ERC2: variants seen among roughly 807,000 people sequenced by gnomAD.
ERC2 encodes the protein ERC protein 2.
Under a neutral mutation model 114.8 loss-of-function variants are expected in ERC2, and 42 were observed. The observed-to-expected ratio is 0.37, with a 90% CI of 0.29 to 0.47. ERC2 has a LOEUF of 0.47. ERC2 is among the 20% of genes least tolerant of loss of function. The pLI is 0.99. For synonymous variants in ERC2, 454 were observed against 425.5 expected (o/e 1.07, Z -0.82); for missense variants, 939 against 1,150.7 (o/e 0.82, Z 2.66).
chr3:55,561,936 A>T (rs1021929403), intron 17 of ERC2, among the ~76,000 whole-genome samples: 1 of 152,134 alleles, frequency 6.6e-6, no homozygotes, highest in African/African-American at 2.4e-5. Context: ...TCTTTGTGGA[A>T]TTGTAGAATG....
intron 14 of ERC2, among the ~76,000 whole-genome samples, chr3:55,849,373 T>C (rs1434265090): frequency 1.3e-5 from 2 of 152,212 alleles, no homozygotes; most frequent in South Asian, 2.1e-4. Flanking sequence ...CTATTTGCTT[T>C]AGGCCAGCTG....
chr3:56,245,792 C>G (rs939449042), intron 3 of ERC2, among the ~76,000 whole-genome samples: 1 of 152,006 alleles, frequency 6.6e-6, no homozygotes, highest in South Asian at 2.1e-4. Context: ...CCACCCAACT[C>G]GGCCTCCTAA....
Position 55,771,758 on chromosome 3 carries a change from G to A in ERC2, c.2565-36840C>T, listed in dbSNP as rs562312311. 3.3e-5 allele frequency among the ~76,000 whole-genome samples: 5 copies of A among 152,304 alleles called. No individual in the cohort carries two copies. In the East Asian group the frequency reaches 9.7e-4, roughly 29 times the overall value. On this transcript the variant is annotated intron_variant, in intron 14 of 17. Coordinates refer to ENST00000288221, the MANE Select transcript of ERC2 (RefSeq NM_015576.3). Reference sequence around the variant, plus strand: ...TTAACCCTGCACACCTGATGAGACTGTGCCTTCTTCAGTACCCACTCTGCC... The same window carrying A: ...TTAACCCTGCACACCTGATGAGACTATGCCTTCTTCAGTACCCACTCTGCC...
chr3:55,624,795 A>T (rs780375297), intron 17 of ERC2, among the ~76,000 whole-genome samples: 86 of 152,198 alleles, frequency 5.7e-4, no homozygotes, highest in Non-Finnish European at 9.4e-4. Flanking sequence ...TGTCGGTATG[A>T]TAAAGAAAAA....
At chr3:56,389,150 G>A (rs2060041105) in intron 2 of ERC2, among the ~76,000 whole-genome samples, 1 of 152,236 alleles carries the variant, frequency 6.6e-6, no homozygotes, top group Non-Finnish European at 1.5e-5. Flanking sequence ...ATATAAGCCA[G>A]TTAAGCAATA....
At chr3:55,674,895 G>A (rs937741713) in intron 17 of ERC2, among the ~76,000 whole-genome samples, 1 of 152,190 alleles carries the variant, frequency 6.6e-6, no homozygotes, top group African/African-American at 2.4e-5. Flanking sequence ...GTGCACAGCA[G>A]AAGGGCACAC....
At chr3:55,803,348 G>C (rs895331853) in intron 14 of ERC2, among the ~76,000 whole-genome samples, 1 of 151,938 alleles carries the variant, frequency 6.6e-6, no homozygotes, top group Admixed American at 6.6e-5. Context: ...TAAACATAAC[G>C]ATGAAAATTT....
chr3:55,614,109 C>G (rs760291650), intron 17 of ERC2, among the ~76,000 whole-genome samples: 18 of 150,514 alleles, frequency 1.2e-4, no homozygotes, highest in Non-Finnish European at 2.7e-4. Flanking sequence ...ATAAAATGAA[C>G]AGATCAGCCT....
At chr3:55,767,833 T>C (rs2067916284) in intron 14 of ERC2, among the ~76,000 whole-genome samples, 1 of 152,198 alleles carries the variant, frequency 6.6e-6, no homozygotes, top group Admixed American at 6.5e-5. Context: ...CAACAAACAT[T>C]TGGGGGTCTA....
intron 17 of ERC2, among the ~76,000 whole-genome samples, chr3:55,666,363 T>A (rs1232159614): frequency 6.6e-6 from 1 of 152,206 alleles, no homozygotes; most frequent in African/African-American, 2.4e-5. Flanking sequence ...TTCCATGTCG[T>A]AACACACACA....
chr3:56,122,759 G>A (rs1435799420), intron 6 of ERC2, among the ~76,000 whole-genome samples: 1 of 152,078 alleles, frequency 6.6e-6, no homozygotes, highest in East Asian at 1.9e-4. Flanking sequence ...CAGGAAAAAT[G>A]CCCGAATGCC....
At chr3:55,693,584 G>C (rs1436074340) in intron 16 of ERC2, among the ~76,000 whole-genome samples, 1 of 152,008 alleles carries the variant, frequency 6.6e-6, no homozygotes, top group Non-Finnish European at 1.5e-5. Flanking sequence ...GAATAGAGAA[G>C]AGTAAAAGGG....
intron 14 of ERC2, among the ~76,000 whole-genome samples, chr3:55,837,336 A>G (rs2060935688): frequency 1.3e-5 from 2 of 152,166 alleles, no homozygotes; most frequent in Non-Finnish European, 2.9e-5. Flanking sequence ...TCACAATAGC[A>G]AAGACTTGGA....
chr3:55,584,381 T>C (rs924790251), intron 17 of ERC2, among the ~76,000 whole-genome samples: 5 of 152,176 alleles, frequency 3.3e-5, no homozygotes, highest in African/African-American at 9.7e-5. Context: ...TTTACATCAA[T>C]GTTCATTCAA....
chr3:56,457,724 C>T (rs1187549390), intron 1 of ERC2, among the ~76,000 whole-genome samples: 1 of 152,106 alleles, frequency 6.6e-6, no homozygotes, highest in African/African-American at 2.4e-5. Context: ...CATTTACCTC[C>T]GTGAACCCTG....
chr3:56,432,418 T>C (rs2061832708), intron 2 of ERC2, among the ~76,000 whole-genome samples: 1 of 152,154 alleles, frequency 6.6e-6, no homozygotes, highest in Non-Finnish European at 1.5e-5. Context: ...GAAATGTGCA[T>C]TGTACAAACA....
intron 17 of ERC2, among the ~76,000 whole-genome samples, chr3:55,523,039 T>C (rs2053068393): frequency 6.6e-6 from 1 of 152,248 alleles, no homozygotes; most frequent in African/African-American, 2.4e-5. Context: ...TTAACTCCTC[T>C]AAGACTGGGT....
At chr3:56,239,523 A>T (rs2051186821) in intron 3 of ERC2, among the ~76,000 whole-genome samples, 1 of 152,176 alleles carries the variant, frequency 6.6e-6, no homozygotes, top group Non-Finnish European at 1.5e-5. Flanking sequence ...AAAATAAAAT[A>T]AAAAGAAGAT....
intron 3 of ERC2, among the ~76,000 whole-genome samples, chr3:56,236,421 T>C (rs1442895035): frequency 6.6e-6 from 1 of 152,174 alleles, no homozygotes; most frequent in Non-Finnish European, 1.5e-5. Context: ...GCAGGCCATT[T>C]CCCTGGGACA....
Sources: allele counts gnomAD v4.1 joint callset (sites outside exome capture counted in the v4.1 genomes callset), GRCh38; gene constraint gnomAD v4.1.1; transcripts MANE v1.5; gene names NCBI Gene and HGNC (gene_info 2026-07-23, HGNC 2026-07-21).